The following NCKAP5L variants were observed in gnomAD, a reference collection of about 807,000 sequenced individuals.
The protein encoded by NCKAP5L is NCK associated protein 5 like.
In NCKAP5L, 54 loss-of-function variants were observed where a neutral mutation model predicts 103.2. The ratio of observed to expected loss-of-function variants is 0.52; its 90% CI spans 0.42 to 0.66. The LOEUF is 0.66. Ranked by LOEUF, NCKAP5L falls within the 30% of genes least tolerant of loss-of-function variation. The pLI, the probability that NCKAP5L is intolerant of heterozygous loss-of-function variation, is 0.00. For missense variants in NCKAP5L, 1,733 were observed against 1,750.6 expected (o/e 0.99, Z 0.18); for synonymous variants, 762 against 748.6 (o/e 1.02, Z -0.29).
rs368296313 is a variant in NCKAP5L at position 49,795,139 on chromosome 12, G to A, written c.2721C>T (p.Ala907=). 9.6e-5 allele frequency: 154 copies of A among 1,611,096 alleles called. No individual in the cohort carries two copies. The highest frequency in any genetic ancestry group is 1.2e-4 in the Non-Finnish European group (137 of 1,179,256). ...RLQGQERAPG[A]EVKHRNTSSI... is the part of the protein sequence containing the mutation. ...TGCTGGTGTTGCGGTGCTTGACCTC[G>A]GCGCCAGGGGCTCGCTCCTGGCCCT... The change falls in exon 8 of 13, where the codon GCC becomes GCT. Residue 907 remains alanine, a synonymous_variant. Coordinates refer to ENST00000335999, the MANE Select transcript of NCKAP5L (RefSeq NM_001037806.4).
Position 49,796,220 on chromosome 12 carries a change from G to A in NCKAP5L, c.1640C>T (p.Ser547Phe), listed in dbSNP as rs752659710. 6.3e-7 allele frequency: 1 copy of A among 1,588,602 alleles called. No individual in the cohort carries two copies. The highest frequency in any genetic ancestry group is 1.2e-5 in the South Asian group (1 of 86,284). Reference sequence around the variant, plus strand: ...GCAGGGAGACACCACTGGGCCTGGGGACAGCGTGGTGGACAAGGCTGACTG... The same window carrying A: ...GCAGGGAGACACCACTGGGCCTGGGAACAGCGTGGTGGACAAGGCTGACTG... The part of the protein sequence containing the change: ...PPQSALSTTL[S>F]PGPVVSPCYE... Residue 547 changes from serine to phenylalanine, a missense_variant, in exon 8 of 13, where the codon TCC becomes TTC. Coordinates refer to ENST00000335999, the MANE Select transcript of NCKAP5L (RefSeq NM_001037806.4).
At position 49,793,668 on chromosome 12, in the gene NCKAP5L, G is replaced by A. The variant is rs181334080; in HGVS notation, c.3258+66C>T. On this transcript the variant is annotated intron_variant, in intron 9 of 12. Coordinates refer to ENST00000335999, the MANE Select transcript of NCKAP5L (RefSeq NM_001037806.4). ...GTCTTGGGGAAGGGGAACCCTCTAG[G>A]GGGTAAGAGACCTGGCAGGGCCAGA... 723 of 1,475,556 alleles carry A rather than the reference G, an allele frequency of 4.9e-4. 6 individuals carry two copies. The African/African-American group carries it at 8.6e-3, about 18-fold the overall frequency. The allele number at this position is 1,475,556 out of a possible 1,614,324, so 91.4% of individuals were successfully genotyped here. A position where few individuals can be genotyped will look rare whatever the true frequency, so the allele number is the denominator to read the frequency against.
rs140079532 is a variant in NCKAP5L at position 49,795,693 on chromosome 12, C to T, written c.2167G>A (p.Gly723Arg). The T allele has an allele frequency of 4.3e-6, 7 of 1,612,238 alleles. No homozygotes were observed. The highest frequency in any genetic ancestry group is 1.7e-5 in the Admixed American group (1 of 59,822). Residue 723 changes from glycine (G) to arginine (R), a missense_variant, in exon 8 of 13, where the codon GGG (glycine) becomes AGG (arginine). Transcript: ENST00000335999. ...HRPLEQLEAK[G>R]GIRGAVALGT... ...AAGGCCACTGCCCCCCGTATCCCCC[C>T]CTTGGCTTCTAGCTGCTCCAGTGGC... is the stretch of plus-strand genomic sequence containing the variant.
chr12:49,816,342 C>G (rs1404810752), intron 1 of NCKAP5L, among the ~76,000 whole-genome samples: 1 of 152,026 alleles, frequency 6.6e-6, no homozygotes, highest in Non-Finnish European at 1.5e-5. Flanking sequence ...GAAGGGACAG[C>G]TAAGAACATA....
chr12:49,827,825 A>G (rs1440370071), intron 1 of NCKAP5L, among the ~76,000 whole-genome samples: 1 of 152,122 alleles, frequency 6.6e-6, no homozygotes, highest in Non-Finnish European at 1.5e-5. Context: ...GCCCCAGGCC[A>G]CGGGGAATGG....
At chr12:49,808,027 T>C (rs1946199637) in intron 1 of NCKAP5L, among the ~76,000 whole-genome samples, 1 of 152,120 alleles carries the variant, frequency 6.6e-6, no homozygotes, top group Non-Finnish European at 1.5e-5. Flanking sequence ...TTTCCCAAAA[T>C]AATAAAAAAG....
chr12:49,803,287 G>T, intron 3 of NCKAP5L, 122 bp from the exon 4 acceptor site: 1 of 892,790 alleles, frequency 1.1e-6, no homozygotes, highest in Non-Finnish European at 1.7e-6. Flanking sequence ...CCCCACTCCA[G>T]CTCTTGGCTG....
At position 49,791,763 on chromosome 12, in the gene NCKAP5L, C is replaced by T. The variant is rs971335261; in HGVS notation, c.*76G>A. Reference sequence around the variant, plus strand: ...CCCTTCAGGGAGGGGTCCCCGTCTCCGGGGGCTGGGCATGAAGAGAGCCGG... The same window carrying T: ...CCCTTCAGGGAGGGGTCCCCGTCTCTGGGGGCTGGGCATGAAGAGAGCCGG... On this transcript the variant is annotated 3_prime_UTR_variant, in exon 13 of 13. Transcript: ENST00000335999. 8.1e-6 allele frequency: 11 copies of T among 1,353,252 alleles called. No homozygotes were observed. The highest frequency in any genetic ancestry group is 2.8e-5 in the Admixed American group (1 of 35,608). 83.8% of individuals were successfully genotyped at this position (1,353,252 alleles called of 1,614,324 possible).
At position 49,792,631 on chromosome 12, in the gene NCKAP5L, GC is replaced by G. The variant is rs1945955566; in HGVS notation, c.3650-44del. ...GAAGGTGGATGGAGCTGCCTGGGCA[GC>G]TCCAGGATGCCCAGGGGCATCCCAC... On this transcript the variant is annotated intron_variant, in intron 11 of 12. Transcript: ENST00000335999. The surrounding 1 kb of genome is among the most constrained non-coding windows in gnomAD (Gnocchi z 4.5). 6.2e-7 allele frequency: 1 copy of G among 1,613,236 alleles called. No homozygotes were observed. The highest frequency in any genetic ancestry group is 8.5e-7 in the Non-Finnish European group (1 of 1,179,366).
chr12:49,791,978 C>T lies in NCKAP5L; in HGVS notation c.3866G>A (p.Gly1289Glu). Residue 1289 changes from glycine to glutamate, a missense_variant, in exon 13 of 13, where the codon GGG becomes GAG. Gly to Glu is a moderately conservative substitution (Grantham distance 98). Transcript: ENST00000335999. ...CGAAGTGCTGGGGGTGCGGCTACCC[C>T]CGAAAGGTGGGCCCTGGGGCGTAGG... ...PSPTPQGPPFGGSRTPSTSDM... is the reference protein window; with the variant it reads ...PSPTPQGPPFEGSRTPSTSDM... 3 of 1,608,510 alleles carry T rather than the reference C, an allele frequency of 1.9e-6. No homozygotes were observed. Among genetic ancestry groups the T allele is most frequent in the Non-Finnish European group, 2.5e-6 (3 of 1,177,672 alleles).
At chr12:49,801,786 G>GC in intron 6 of NCKAP5L, 62 bp downstream of exon 6, 1 of 1,597,078 alleles carries the variant, frequency 6.3e-7, no homozygotes, top group Non-Finnish European at 8.6e-7. Context: ...CAGTGATGGG[G>GC]CCGATGGAGC....
chr12:49,795,622 A>T lies in NCKAP5L; in HGVS notation c.2238T>A (p.Asp746Glu). Residue 746 changes from aspartate (D) to glutamate (E), a missense_variant, in exon 8 of 13, where the codon GAT becomes GAA. Coordinates refer to ENST00000335999, the MANE Select transcript of NCKAP5L (RefSeq NM_001037806.4). ...GAGAGGAGTAGACTCGGGCCCCGGGATCCCCCATAAGTCCAGGTTCCTGCT... is the reference window on the plus strand; with the variant it reads ...GAGAGGAGTAGACTCGGGCCCCGGGTTCCCCCATAAGTCCAGGTTCCTGCT... ...LKQQEPGLMGDPGARVYSSHS... is the reference protein window; with the variant it reads ...LKQQEPGLMGEPGARVYSSHS... The T allele has an allele frequency of 6.2e-7, 1 of 1,604,204 alleles. No homozygotes were observed. The highest frequency in any genetic ancestry group is 1.1e-5 in the South Asian group (1 of 89,990).
chr12:49,807,262 T>G (rs1009706759), intron 1 of NCKAP5L, among the ~76,000 whole-genome samples: 9 of 152,188 alleles, frequency 5.9e-5, no homozygotes, highest in Admixed American at 5.9e-4. Context: ...TGTGTGTGTG[T>G]GTGTGTGTGT....
Position 49,792,707 on chromosome 12 carries a change from C to A in NCKAP5L, c.3620G>T (p.Gly1207Val), listed in dbSNP as rs769625707. The part of the protein sequence containing the change: ...AFPALLPAAP[G>V]HRGHETCPDD... ...AGGACAGGTCTCATGGCCCCGGTGG[C>A]CCGGAGCAGCGGGTAGCAGTGCAGG... Residue 1207 changes from glycine to valine, a missense_variant, in exon 11 of 13, where the codon GGC becomes GTC. Transcript: ENST00000335999. This position sits in a 1 kb window ranked among gnomAD's most constrained non-coding sequence, Gnocchi z 4.5. 8 of 1,611,276 alleles carry A rather than the reference C, an allele frequency of 5.0e-6. No individual in the cohort carries two copies. Among genetic ancestry groups the A allele is most frequent in the Non-Finnish European group, 5.9e-6 (7 of 1,179,116 alleles).
At chr12:49,799,843 T>C (rs1222085445) in intron 6 of NCKAP5L, among the ~76,000 whole-genome samples, 1 of 152,222 alleles carries the variant, frequency 6.6e-6, no homozygotes, top group Non-Finnish European at 1.5e-5. Flanking sequence ...CCTTGGATCT[T>C]TGCTCATGCT....
At chr12:49,798,799 A>T (rs1049651636) in intron 6 of NCKAP5L, among the ~76,000 whole-genome samples, 27 of 152,096 alleles carry the variant, frequency 1.8e-4, no homozygotes, top group Non-Finnish European at 1.6e-4. Context: ...CTCTCCTCTC[A>T]CAAAGAGGGT....
intron 1 of NCKAP5L, among the ~76,000 whole-genome samples, chr12:49,824,725 G>A (rs969760137): frequency 3.9e-5 from 6 of 152,232 alleles, no homozygotes; most frequent in South Asian, 4.1e-4. Flanking sequence ...GACAGATGCC[G>A]GGACAGACAA....
At chr12:49,816,953 G>A (rs1451076784) in intron 1 of NCKAP5L, among the ~76,000 whole-genome samples, 1 of 152,088 alleles carries the variant, frequency 6.6e-6, no homozygotes, top group African/African-American at 2.4e-5. Flanking sequence ...TTCAGAGAAG[G>A]GTCAGCTCTT....
intron 1 of NCKAP5L, among the ~76,000 whole-genome samples, chr12:49,806,962 G>A (rs926100505): frequency 2.0e-5 from 3 of 152,228 alleles, no homozygotes; most frequent in Non-Finnish European, 4.4e-5. Flanking sequence ...ACAGTACAAA[G>A]CTATGGGGTT....
Sources: gnomAD v4.1 joint callset for allele counts (sites outside exome capture counted in the v4.1 genomes callset) on GRCh38, gnomAD v4.1.1 for gene constraint, Gnocchi (gnomAD v3.1) non-coding constraint, MANE v1.5 for transcripts, NCBI Gene and HGNC (gene_info 2026-07-23, HGNC 2026-07-21) for gene names.